SCHIP1: variants seen among roughly 807,000 people sequenced by gnomAD.
SCHIP1 encodes schwannomin interacting protein 1.
SCHIP1 carries 8 observed loss-of-function variants against 29.7 expected under a neutral mutation model. The ratio of observed to expected loss-of-function variants is 0.27; its 90% CI spans 0.16 to 0.49. SCHIP1 has a LOEUF of 0.49. Among genes scored for constraint, SCHIP1 ranks in the 20% least tolerant of loss-of-function variants. The probability of loss-of-function intolerance (pLI) is 0.99; values close to 1 mark genes in which losing one functional copy is unlikely to be tolerated. For synonymous variants in SCHIP1, 76 were observed against 94.9 expected (o/e 0.80, Z 1.16); for missense variants, 193 against 294.6 (o/e 0.66, Z 2.52).
chr3:159,327,309 T>C, the SCHIP1 span, among the ~76,000 whole-genome samples: 1 of 152,138 alleles, frequency 6.6e-6, no homozygotes, highest in Non-Finnish European at 1.5e-5. Flanking sequence ...TCAGAAGTTA[T>C]TGGGTGGTGG....
At chr3:159,315,250 G>C in the SCHIP1 span, among the ~76,000 whole-genome samples, 5 of 142,562 alleles carry the variant, frequency 3.5e-5, no homozygotes, top group Non-Finnish European at 6.0e-5. Context: ...CCAGGCTGGA[G>C]TGCAGTGGCA....
At chr3:159,733,548 T>G in the SCHIP1 span, among the ~76,000 whole-genome samples, 1 of 152,170 alleles carries the variant, frequency 6.6e-6, no homozygotes, top group Non-Finnish European at 1.5e-5. Context: ...TGAGTCAAGG[T>G]CCATTCATCA....
At chr3:159,322,572 C>T in the SCHIP1 span, among the ~76,000 whole-genome samples, 1,775 of 152,250 alleles carry the variant, frequency 0.012, 19 homozygotes, top group South Asian at 0.037. Context: ...AAAAAATATT[C>T]GGCTTAAGAT....
chr3:159,828,305 A>T, the SCHIP1 span, among the ~76,000 whole-genome samples: 1 of 149,502 alleles, frequency 6.7e-6, no homozygotes, highest in Non-Finnish European at 1.5e-5. Flanking sequence ...TCAACTCTAG[A>T]ACCATCAAAG....
At chr3:159,511,020 C>A in the SCHIP1 span, among the ~76,000 whole-genome samples, 1 of 152,232 alleles carries the variant, frequency 6.6e-6, no homozygotes, top group African/African-American at 2.4e-5. Context: ...TTTAAGTCTG[C>A]AGAGGTTTCT....
chr3:159,763,191 G>T, the SCHIP1 span, among the ~76,000 whole-genome samples: 7 of 152,244 alleles, frequency 4.6e-5, no homozygotes, highest in Admixed American at 1.3e-4. Flanking sequence ...CTGCGCGGTG[G>T]AGGGAGAGGA....
At chr3:159,675,920 T>C in the SCHIP1 span, among the ~76,000 whole-genome samples, 1 of 151,408 alleles carries the variant, frequency 6.6e-6, no homozygotes, top group African/African-American at 2.4e-5. Flanking sequence ...TCACCTGAGG[T>C]CGGGAGTTCA....
the SCHIP1 span, among the ~76,000 whole-genome samples, chr3:159,412,341 A>C: frequency 6.6e-6 from 1 of 152,224 alleles, no homozygotes; most frequent in Non-Finnish European, 1.5e-5. Context: ...GATCCTTTTG[A>C]CAGTAGAAGG....
the SCHIP1 span, among the ~76,000 whole-genome samples, chr3:159,451,198 G>T: frequency 6.6e-6 from 1 of 152,184 alleles, no homozygotes; most frequent in African/African-American, 2.4e-5. Flanking sequence ...GCATAGTTAG[G>T]AACACCATTC....
At chr3:159,817,646 G>T in the SCHIP1 span, among the ~76,000 whole-genome samples, 1 of 152,142 alleles carries the variant, frequency 6.6e-6, no homozygotes. Context: ...GGACCCTTTG[G>T]CAAAGTACTG....
At chr3:159,334,655 A>G in the SCHIP1 span, among the ~76,000 whole-genome samples, 1 of 152,250 alleles carries the variant, frequency 6.6e-6, no homozygotes. Context: ...ACTTTTAGAG[A>G]CTGGCTTGTT....
the SCHIP1 span, among the ~76,000 whole-genome samples, chr3:159,617,519 G>C: frequency 6.6e-6 from 1 of 152,110 alleles, no homozygotes; most frequent in African/African-American, 2.4e-5. Flanking sequence ...ATCACACTCA[G>C]ATAGACTTTT....
the SCHIP1 span, among the ~76,000 whole-genome samples, chr3:159,525,064 T>G: frequency 6.6e-6 from 1 of 152,200 alleles, no homozygotes; most frequent in East Asian, 1.9e-4. Flanking sequence ...TTCTTCCCCT[T>G]GGAACTTCCC....
chr3:159,766,950 C>T, the SCHIP1 span, among the ~76,000 whole-genome samples: 6 of 152,172 alleles, frequency 3.9e-5, no homozygotes, highest in African/African-American at 1.4e-4. Context: ...GGTGTATCCT[C>T]ACCTAGTGAA....
the SCHIP1 span, among the ~76,000 whole-genome samples, chr3:159,343,911 G>T: frequency 6.6e-6 from 1 of 152,228 alleles, no homozygotes; most frequent in Non-Finnish European, 1.5e-5. Flanking sequence ...GATAATATTT[G>T]AATGTTGATA....
chr3:159,701,540 T>C, the SCHIP1 span, among the ~76,000 whole-genome samples: 1 of 152,200 alleles, frequency 6.6e-6, no homozygotes, highest in South Asian at 2.1e-4. Flanking sequence ...TATTTAAACA[T>C]TTATTTTCCT....
At chr3:159,585,971 T>A in the SCHIP1 span, among the ~76,000 whole-genome samples, 1 of 152,010 alleles carries the variant, frequency 6.6e-6, no homozygotes. Context: ...GATGGATGAA[T>A]GGATGGATGG....
the SCHIP1 span, among the ~76,000 whole-genome samples, chr3:159,304,409 T>C: frequency 6.6e-6 from 1 of 152,122 alleles, no homozygotes; most frequent in African/African-American, 2.4e-5. Context: ...CTGGGTATAG[T>C]CCATAATTTC....
the SCHIP1 span, among the ~76,000 whole-genome samples, chr3:159,833,267 G>T: frequency 6.6e-6 from 1 of 152,190 alleles, no homozygotes; most frequent in Non-Finnish European, 1.5e-5. Flanking sequence ...CTTTCTGGAG[G>T]CTCTAGAGAA....
Sources: allele counts gnomAD v4.1 joint callset (sites outside exome capture counted in the v4.1 genomes callset), GRCh38; gene constraint gnomAD v4.1.1; transcripts MANE v1.5; gene names NCBI Gene and HGNC (gene_info 2026-07-23, HGNC 2026-07-21).